The following PCYOX1L variants were observed in gnomAD, a reference collection of about 807,000 sequenced individuals.
The protein encoded by PCYOX1L is prenylcysteine oxidase 1-like.
Under a neutral mutation model 44.1 loss-of-function variants are expected in PCYOX1L, and 40 were observed. The ratio of observed to expected loss-of-function variants is 0.91; its 90% CI spans 0.70 to 1.18. PCYOX1L has a LOEUF of 1.18. Among genes scored for constraint, PCYOX1L ranks in the 50% most tolerant of loss-of-function variants. The pLI is 0.00. For missense variants in PCYOX1L, 605 were observed against 653.3 expected, an observed-to-expected ratio of 0.93 and a Z score of 0.81; for synonymous variants, 266 against 282.8, an observed-to-expected ratio of 0.94 and a Z score of 0.60.
chr5:149,365,415 A>G (rs1758165102), intron 3 of PCYOX1L: 1 of 160,202 alleles, frequency 6.2e-6, no homozygotes, highest in African/African-American at 2.4e-5. Flanking sequence ...CATGCTAGTG[A>G]GATTGCATGA....
At chr5:149,360,072 T>A (rs567591493) in intron 1 of PCYOX1L, among the ~76,000 whole-genome samples, 1 of 152,342 alleles carries the variant, frequency 6.6e-6, no homozygotes, top group Admixed American at 6.5e-5. Context: ...GAAGGCTGTG[T>A]CCCCACACCC....
At position 149,368,230 on chromosome 5, in the gene PCYOX1L, T is replaced by A. The variant is rs1168644736; in HGVS notation, c.1061T>A (p.Phe354Tyr). The change falls in exon 6 of 6, where the codon TTC (phenylalanine) becomes TAC (tyrosine). Residue 354 changes from phenylalanine to tyrosine, a missense_variant. Coordinates refer to ENST00000274569, the MANE Select transcript of PCYOX1L (RefSeq NM_024028.4). ...SYFGFPDPKL[F>Y]PFANILTTDF... ...TTCGGTTTCCCAGACCCTAAGCTTT[T>A]CCCCTTTGCCAACATCCTTACCACA... 1 of 1,613,988 alleles carries A rather than the reference T, an allele frequency of 6.2e-7. No homozygotes were observed. The highest frequency in any genetic ancestry group is 1.3e-5 in the African/African-American group (1 of 74,912).
Position 149,368,004 on chromosome 5 carries a change from C to G in PCYOX1L, c.835C>G (p.Leu279Val), listed in dbSNP as rs1438616717. 2 of 1,537,730 alleles carry G rather than the reference C, an allele frequency of 1.3e-6. No individual in the cohort carries two copies. Among genetic ancestry groups the G allele is most frequent in the East Asian group, 2.3e-5 (1 of 44,400 alleles). ...TCTTTTCTTTCCAGAGGGGAAAGCC[C>G]TGTACCAGGTGGCGTATGAGAATGA... is the stretch of plus-strand genomic sequence containing the variant. ...VTLHSTEGKA[L>V]YQVAYENEVG... The change falls in exon 6 of 6, where the codon CTG (leucine) becomes GTG (valine). Residue 279 changes from leucine to valine, a missense_variant. Coordinates refer to ENST00000274569, the MANE Select transcript of PCYOX1L (RefSeq NM_024028.4).
rs375680310 is a variant in PCYOX1L at position 149,368,142 on chromosome 5, G to T, written c.973G>T (p.Val325Leu). Residue 325 changes from valine to leucine, a missense_variant, in exon 6 of 6, where the codon GTG becomes TTG. Val to Leu is a conservative substitution (Grantham distance 32, BLOSUM62 1). Coordinates refer to ENST00000274569, the MANE Select transcript of PCYOX1L (RefSeq NM_024028.4). Reference sequence around the variant, plus strand: ...AGGCTTCCACCCGCCCATTGATGACGTGCAGGGCTCTTTCCAGCCCACCGT... The same window carrying T: ...AGGCTTCCACCCGCCCATTGATGACTTGCAGGGCTCTTTCCAGCCCACCGT... ...FAGFHPPIDD[V>L]QGSFQPTVVS... 3.7e-5 allele frequency: 59 copies of T among 1,613,312 alleles called. No individual in the cohort carries two copies. Among genetic ancestry groups the T allele is most frequent in the Non-Finnish European group, 4.9e-5 (58 of 1,179,642 alleles).
At position 149,362,636 on chromosome 5, in the gene PCYOX1L, G is replaced by A; in HGVS notation, c.89-1G>A. On this transcript the variant is annotated splice_acceptor_variant, in intron 1 of 5. Transcript: ENST00000274569. LOFTEE classifies it high-confidence loss of function. ...TCCCTACCTCCCGGGCCTGCTGACA[G>A]CGGTGGTTGGGGCTGGGATTGGGGG... 1 of 1,614,078 alleles carries A rather than the reference G, an allele frequency of 6.2e-7. No individual in the cohort carries two copies. Among genetic ancestry groups the A allele is most frequent in the African/African-American group, 1.3e-5 (1 of 75,068 alleles).
chr5:149,363,166 A>G, intron 2 of PCYOX1L: 1 of 464,052 alleles, frequency 2.2e-6, no homozygotes, highest in South Asian at 1.7e-5. Flanking sequence ...GTATGTAGGC[A>G]TTACCTCAGC....
intron 1 of PCYOX1L, among the ~76,000 whole-genome samples, chr5:149,361,820 G>A (rs1368521011): frequency 6.6e-6 from 1 of 152,162 alleles, no homozygotes; most frequent in Non-Finnish European, 1.5e-5. Flanking sequence ...TAGAGACAGG[G>A]TTTCACCATG....
In PCYOX1L at chr5:149,368,504, C is replaced by G. The variant is rs1006894023; in HGVS notation, c.1335C>G (p.Tyr445Ter). 8 of 1,612,110 alleles carry G rather than the reference C, an allele frequency of 5.0e-6. No individual in the cohort carries two copies. The highest frequency in any genetic ancestry group is 6.8e-6 in the Non-Finnish European group (8 of 1,178,966). Residue 445 changes from tyrosine to a stop codon, truncating the protein, a stop_gained, in exon 6 of 6, where the codon TAC becomes TAG. Coordinates refer to ENST00000274569, the MANE Select transcript of PCYOX1L (RefSeq NM_024028.4). LOFTEE classifies it high-confidence loss of function. The stretch of plus-strand genomic sequence containing the variant: ...TTGCACTCCATGACCAGCTCTTCTA[C>G]CTCAATGCCCTGGAGTGGGCGGCCA... ...PRFALHDQLF[Y>*]LNALEWAASS...
chr5:149,367,379 G>A lies in PCYOX1L; in HGVS notation c.702G>A (p.Gly234=). ...PAFAGAMSLA[G]AQGSLWSVEG... is the part of the protein sequence containing the mutation. Reference sequence around the variant, plus strand: ...GCCCAGGAGCCATGTCACTAGCCGGGGCCCAAGGCAGCCTGTGGTCTGTGG... The same window carrying A: ...GCCCAGGAGCCATGTCACTAGCCGGAGCCCAAGGCAGCCTGTGGTCTGTGG... Residue 234 remains glycine, a synonymous_variant, in exon 5 of 6, where the codon GGG becomes GGA. Transcript: ENST00000274569. 1 of 1,610,948 alleles carries A rather than the reference G, an allele frequency of 6.2e-7. No homozygotes were observed. The highest frequency in any genetic ancestry group is 8.5e-7 in the Non-Finnish European group (1 of 1,178,996).
Position 149,358,142 on chromosome 5 carries a change from C to A in PCYOX1L, c.74C>A (p.Pro25Gln). Residue 25 changes from proline (P) to glutamine (Q), a missense_variant, in exon 1 of 6, where the codon CCG becomes CAG. By Grantham distance (76) the Pro-to-Gln change is moderately conservative (BLOSUM62 -1). Coordinates refer to ENST00000274569, the MANE Select transcript of PCYOX1L (RefSeq NM_024028.4). ...GCCGCCGCTGCTGGCGGAGATGCCC[C>A]GCCGGGCAAAATCGGTGCGGGAAGG... Reference protein sequence around the residue: ...LAAAAAGGDAPPGKIAVVGAG... With the variant: ...LAAAAAGGDAQPGKIAVVGAG... The A allele has an allele frequency of 8.2e-6, 12 of 1,458,982 alleles. No individual in the cohort carries two copies. The highest frequency in any genetic ancestry group is 1.1e-5 in the Non-Finnish European group (12 of 1,108,614). 90.4% of individuals were successfully genotyped at this position (1,458,982 alleles called of 1,614,324 possible).
In PCYOX1L at chr5:149,364,085, G is replaced by T; in HGVS notation, c.345G>T (p.Gly115=). 1 of 1,614,128 alleles carries T rather than the reference G, an allele frequency of 6.2e-7. No individual in the cohort carries two copies. Among genetic ancestry groups the T allele is most frequent in the South Asian group, 1.1e-5 (1 of 91,086 alleles). ...TGGGCAGGAGCGCCATCTTCGGCGG[G>T]GAGCACTTCATGCTGGAGGAGACTG... The part of the protein sequence containing the change: ...EVVGRSAIFG[G]EHFMLEETDW... The change falls in exon 3 of 6, where the codon GGG becomes GGT. Residue 115 remains glycine, a synonymous_variant. Transcript: ENST00000274569.
At chr5:149,363,482 T>C (rs958370729) in intron 2 of PCYOX1L, 1 of 230,956 alleles carries the variant, frequency 4.3e-6, no homozygotes, top group Non-Finnish European at 8.7e-6. Context: ...AAACAAATTA[T>C]TGTATAACTA....
chr5:149,366,009 G>A lies in PCYOX1L; in HGVS notation c.538G>A (p.Glu180Lys), dbSNP rs776784380. ...GVEELLYSLG[E>K]STFVNMTQHS... ...GGAGGAGCTGCTCTACTCACTGGGGGAGTCCACCTTTGTTAACATGACCCA... is the reference window on the plus strand; with the variant it reads ...GGAGGAGCTGCTCTACTCACTGGGGAAGTCCACCTTTGTTAACATGACCCA... Residue 180 changes from glutamate (E) to lysine (K), a missense_variant, in exon 4 of 6, where the codon GAG (glutamate) becomes AAG (lysine). Glu to Lys is a moderately conservative substitution (Grantham distance 56, BLOSUM62 1). Transcript: ENST00000274569. 27 of 1,614,232 alleles carry A rather than the reference G, an allele frequency of 1.7e-5. No individual in the cohort carries two copies. In the East Asian group the frequency reaches 2.7e-4, roughly 16 times the overall value.
chr5:149,367,487 C>T lies in PCYOX1L; in HGVS notation c.810C>T (p.Thr270=). The change falls in exon 5 of 6, where the codon ACC becomes ACT. Residue 270 remains threonine (T), a synonymous_variant. Transcript: ENST00000274569. ...NVIHATVTSV[T]LHSTEGKALY... is the part of the protein sequence containing the mutation. Reference sequence around the variant, plus strand: ...TCCATGCCACAGTGACCTCTGTGACCCTGCACAGCACAGGTGAGTAGACAG... The same window carrying T: ...TCCATGCCACAGTGACCTCTGTGACTCTGCACAGCACAGGTGAGTAGACAG... The T allele has an allele frequency of 6.2e-7, 1 of 1,613,748 alleles. No individual in the cohort carries two copies. The highest frequency in any genetic ancestry group is 8.5e-7 in the Non-Finnish European group (1 of 1,179,854).
rs763770704 is a variant in PCYOX1L at position 149,368,387 on chromosome 5, G to A, written c.1218G>A (p.Gln406=). The A allele has an allele frequency of 6.2e-7, 1 of 1,614,168 alleles. No individual in the cohort carries two copies. The highest frequency in any genetic ancestry group is 1.7e-5 in the Admixed American group (1 of 60,016). The change falls in exon 6 of 6, where the codon CAG becomes CAA. Residue 406 remains glutamine (Q), a synonymous_variant. Coordinates refer to ENST00000274569, the MANE Select transcript of PCYOX1L (RefSeq NM_024028.4). ...CCCCCAAGCCCCTCTTTCGGACCCA[G>A]CTAAAGACCCTGTTCCGTTCCTATT... ...VQSPKPLFRT[Q]LKTLFRSYYS...
chr5:149,360,954 C>T (rs1276876978), intron 1 of PCYOX1L, among the ~76,000 whole-genome samples: 1 of 152,214 alleles, frequency 6.6e-6, no homozygotes, highest in Admixed American at 6.5e-5. Flanking sequence ...GGACAAATTA[C>T]ACCAGATTTA....
chr5:149,366,205 C>G, intron 4 of PCYOX1L, 52 bp downstream of exon 4: 1 of 1,576,402 alleles, frequency 6.3e-7, no homozygotes, highest in Admixed American at 1.7e-5. Context: ...ACCCAAGGTG[C>G]TCAGAATGGG....
rs1244815804 is a variant in PCYOX1L at position 149,363,943 on chromosome 5, G to A, written c.296-93G>A. Reference sequence around the variant, plus strand: ...AAGCAGCACAAATGAACAAACCATAGCATTTGTGTTTCCTTTAATGGACCA... The same window carrying A: ...AAGCAGCACAAATGAACAAACCATAACATTTGTGTTTCCTTTAATGGACCA... On this transcript the variant is annotated intron_variant, in intron 2 of 5. Coordinates refer to ENST00000274569, the MANE Select transcript of PCYOX1L (RefSeq NM_024028.4). 2.8e-6 allele frequency: 4 copies of A among 1,408,212 alleles called. No individual in the cohort carries two copies. In the East Asian group the frequency reaches 6.9e-5, roughly 24 times the overall value. The allele number at this position is 1,408,212 out of a possible 1,614,324, so 87.2% of individuals were successfully genotyped here.
At chr5:149,367,683 A>G (rs1011329090) in intron 5 of PCYOX1L, among the ~76,000 whole-genome samples, 183 bp downstream of exon 5, 8 of 152,252 alleles carry the variant, frequency 5.3e-5, no homozygotes, top group Non-Finnish European at 7.3e-5. Flanking sequence ...TTCAGATGTC[A>G]GCCAGAAAGC....
Sources: allele counts gnomAD v4.1 joint callset (sites outside exome capture counted in the v4.1 genomes callset), GRCh38; gene constraint gnomAD v4.1.1; transcripts MANE v1.5; gene names NCBI Gene and HGNC (gene_info 2026-07-23, HGNC 2026-07-21).